GRID2: variants seen among roughly 807,000 people sequenced by gnomAD.
The protein encoded by GRID2 is glutamate receptor ionotropic, delta-2.
Under a neutral mutation model 114.8 loss-of-function variants are expected in GRID2, and 33 were observed. That is an observed-to-expected ratio of 0.29 (90% CI 0.22 to 0.38). The LOEUF (loss-of-function observed/expected upper bound fraction) is 0.38. GRID2 is among the 10% of genes least tolerant of loss of function. The probability of loss-of-function intolerance (pLI) is 1.00; values close to 1 mark genes in which losing one functional copy is unlikely to be tolerated. For missense variants in GRID2, 1,184 were observed against 1,257.7 expected, an observed-to-expected ratio of 0.94 and a Z score of 0.89; for synonymous variants, 505 against 449.9, an observed-to-expected ratio of 1.12 and a Z score of -1.55.
intron 2 of GRID2, among the ~76,000 whole-genome samples, chr4:92,997,330 A>G (rs1457791043): frequency 6.6e-6 from 1 of 152,174 alleles, no homozygotes; most frequent in Non-Finnish European, 1.5e-5. Context: ...CAGGAACCCA[A>G]GGAACCTGAG....
intron 13 of GRID2, among the ~76,000 whole-genome samples, chr4:93,593,246 C>G (rs1186214207): frequency 6.9e-6 from 1 of 144,876 alleles, no homozygotes; most frequent in Admixed American, 6.9e-5. Context: ...TTAGGGCAGG[C>G]CTGGTGGTGA....
At chr4:93,724,187 C>T (rs1327914309) in intron 14 of GRID2, among the ~76,000 whole-genome samples, 9 of 152,156 alleles carry the variant, frequency 5.9e-5, no homozygotes, top group Admixed American at 4.6e-4. Flanking sequence ...AGGACAAATA[C>T]TCCTGATTTT....
At chr4:93,608,793 G>A (rs1411962175) in intron 13 of GRID2, among the ~76,000 whole-genome samples, 26 of 136,138 alleles carry the variant, frequency 1.9e-4, no homozygotes, top group African/African-American at 5.9e-4. Context: ...TGTCTTTATA[G>A]CAGCATGATT....
intron 2 of GRID2, among the ~76,000 whole-genome samples, chr4:92,704,674 T>C (rs1734852310): frequency 6.6e-6 from 1 of 150,692 alleles, no homozygotes; most frequent in Non-Finnish European, 1.5e-5. Flanking sequence ...CACTGGAAGA[T>C]TTCTTTTCTC....
chr4:92,546,285 A>T (rs1726256489), intron 1 of GRID2, among the ~76,000 whole-genome samples: 1 of 152,126 alleles, frequency 6.6e-6, no homozygotes, highest in Admixed American at 6.6e-5. Context: ...AGAAAGGAAA[A>T]ATATTGTCTG....
chr4:92,691,086 C>T (rs1000734210), intron 2 of GRID2, among the ~76,000 whole-genome samples: 1 of 152,020 alleles, frequency 6.6e-6, no homozygotes, highest in Non-Finnish European at 1.5e-5. Flanking sequence ...TTATTTCTTC[C>T]CATTAGGGTG....
At chr4:93,016,809 T>G (rs1359309342) in intron 2 of GRID2, among the ~76,000 whole-genome samples, 1 of 152,192 alleles carries the variant, frequency 6.6e-6, no homozygotes, top group Non-Finnish European at 1.5e-5. Flanking sequence ...TTATTAAAAT[T>G]CAACTACTTT....
rs529324550 is a variant in GRID2, at chr4:92,559,753, C to CTA, written c.89-30375_89-30374dup. On this transcript the variant is annotated intron_variant, in intron 1 of 15. Transcript: ENST00000282020. ...CAACTCCCCTTTTCTAAATTGGCAA[C>CTA]TATAATTCCACTCAAGTGACAGGTT... 5.9e-5 allele frequency among the ~76,000 whole-genome samples: 9 copies of CTA among 152,242 alleles called. No individual in the cohort carries two copies. The South Asian group carries it at 1.9e-3, about 32-fold the overall frequency.
chr4:93,395,272 A>C (rs1765222048), intron 8 of GRID2, among the ~76,000 whole-genome samples: 1 of 152,022 alleles, frequency 6.6e-6, no homozygotes, highest in South Asian at 2.1e-4. Context: ...ATATTAAAAA[A>C]GACATTATGT....
At chr4:92,841,905 G>T (rs2149410799) in intron 2 of GRID2, among the ~76,000 whole-genome samples, 1 of 151,900 alleles carries the variant, frequency 6.6e-6, no homozygotes, top group Non-Finnish European at 1.5e-5. Flanking sequence ...ATTTATACCA[G>T]CTAAGGACTG....
chr4:93,179,285 T>C (rs919558168), intron 4 of GRID2, among the ~76,000 whole-genome samples: 2 of 152,180 alleles, frequency 1.3e-5, no homozygotes, highest in Admixed American at 6.5e-5. Context: ...TGAAAGCTAG[T>C]ATATCTTCTT....
chr4:93,678,770 G>A (rs1056275117), intron 14 of GRID2, among the ~76,000 whole-genome samples: 1 of 151,280 alleles, frequency 6.6e-6, no homozygotes. Context: ...AAGAGCTCCT[G>A]AAGGAAGCAC....
chr4:92,808,801 T>G (rs1410976021), intron 2 of GRID2, among the ~76,000 whole-genome samples: 1 of 151,916 alleles, frequency 6.6e-6, no homozygotes, highest in East Asian at 1.9e-4. Flanking sequence ...TTTTTTTTTT[T>G]TACTATTTTA....
intron 2 of GRID2, among the ~76,000 whole-genome samples, chr4:92,983,986 C>T (rs1178393359): frequency 1.3e-5 from 2 of 152,260 alleles, no homozygotes; most frequent in Middle Eastern, 3.4e-3. Flanking sequence ...CAACATGTAA[C>T]TTTGGACAGG....
chr4:93,161,513 CTAAA>C (rs924924567), intron 4 of GRID2, among the ~76,000 whole-genome samples: 4 of 151,710 alleles, frequency 2.6e-5, no homozygotes, highest in African/African-American at 7.3e-5. Context: ...CAGCTGTGCC[CTAAA>C]TAGTTTTTAA....
intron 2 of GRID2, among the ~76,000 whole-genome samples, chr4:92,985,931 T>C (rs1754488683): frequency 2.0e-5 from 3 of 152,198 alleles, no homozygotes; most frequent in African/African-American, 7.2e-5. Flanking sequence ...TAATACATTT[T>C]CATTAAAGCA....
At chr4:92,679,730 GTCA>G (rs989086518) in intron 2 of GRID2, among the ~76,000 whole-genome samples, 1 of 151,850 alleles carries the variant, frequency 6.6e-6, no homozygotes, top group Non-Finnish European at 1.5e-5. Flanking sequence ...TGTGAAAACT[GTCA>G]TCATTCAGCT....
At chr4:93,375,154 A>ACTTTAGAGTATCTT (rs1763254904) in intron 8 of GRID2, among the ~76,000 whole-genome samples, 1 of 151,040 alleles carries the variant, frequency 6.6e-6, no homozygotes, top group Non-Finnish European at 1.5e-5. Context: ...GCAGCCAAAC[A>ACTTTAGAGTATCTT]TACTCTAAGC....
intron 2 of GRID2, among the ~76,000 whole-genome samples, chr4:92,954,466 G>T (rs191516397): frequency 6.6e-6 from 1 of 151,368 alleles, no homozygotes; most frequent in African/African-American, 2.4e-5. Flanking sequence ...TCACTCTGTC[G>T]CCCAGACTGG....
Sources: allele counts gnomAD v4.1 joint callset (sites outside exome capture counted in the v4.1 genomes callset), GRCh38; gene constraint gnomAD v4.1.1; transcripts MANE v1.5; gene names NCBI Gene and HGNC (gene_info 2026-07-23, HGNC 2026-07-21).